Variants in MMP16 observed in about 807,000 individuals in gnomAD.
The protein encoded by MMP16 is matrix metalloproteinase-16.
Under a neutral mutation model 67.8 loss-of-function variants are expected in MMP16, and 12 were observed. That is an observed-to-expected ratio of 0.18 (90% CI 0.11 to 0.29). MMP16 has a LOEUF of 0.29. Among genes scored for constraint, MMP16 ranks in the 10% least tolerant of loss-of-function variants. MMP16 has a pLI of 1.00. For synonymous variants in MMP16, 249 were observed against 255.9 expected (o/e 0.97, Z 0.26); for missense variants, 475 against 765.7 (o/e 0.62, Z 4.48).
At chr8:88,148,466 G>C (rs1423266562) in intron 4 of MMP16, among the ~76,000 whole-genome samples, 1 of 152,118 alleles carries the variant, frequency 6.6e-6, no homozygotes, top group Non-Finnish European at 1.5e-5. Context: ...TCCTCTAGAG[G>C]ATACATATTT....
intron 1 of MMP16, among the ~76,000 whole-genome samples, chr8:88,287,293 C>T (rs1810847518): frequency 6.6e-6 from 1 of 152,178 alleles, no homozygotes; most frequent in Admixed American, 6.5e-5. Flanking sequence ...TCTCCCCATT[C>T]CTTCTGTATG....
chr8:88,187,227 G>T (rs1809089489), intron 2 of MMP16, among the ~76,000 whole-genome samples: 2 of 152,080 alleles, frequency 1.3e-5, no homozygotes, highest in African/African-American at 4.8e-5. Flanking sequence ...TTCTGAATAT[G>T]AGGTTTTGCA....
intron 1 of MMP16, among the ~76,000 whole-genome samples, chr8:88,224,555 A>G (rs537177740): frequency 6.6e-6 from 1 of 151,984 alleles, no homozygotes; most frequent in South Asian, 2.1e-4. Flanking sequence ...ACTAGTTACT[A>G]CATAATTTTA....
chr8:88,291,608 A>G (rs1013276851), intron 1 of MMP16, among the ~76,000 whole-genome samples: 1 of 152,210 alleles, frequency 6.6e-6, no homozygotes, highest in Non-Finnish European at 1.5e-5. Context: ...TTTTCAGTAG[A>G]GGCAAACTGA....
At chr8:88,055,274 C>T (rs1333892370) in intron 8 of MMP16, among the ~76,000 whole-genome samples, 2 of 152,120 alleles carry the variant, frequency 1.3e-5, no homozygotes, top group Non-Finnish European at 2.9e-5. Context: ...GTGACACAAT[C>T]TCAGCTCACT....
chr8:88,067,341 A>G (rs1808476307), intron 7 of MMP16, among the ~76,000 whole-genome samples: 2 of 152,106 alleles, frequency 1.3e-5, no homozygotes. Flanking sequence ...AAATTGTACT[A>G]CCTATGTCAT....
rs377712483 is a variant in MMP16, at chr8:88,307,089, C to CA, written c.132+19985dup. ...GCAACTTCAGCAAAGTCTCAGAATACAAAATCAATGTGCAAAAATTGCTAG... is the reference window on the plus strand; with the variant it reads ...GCAACTTCAGCAAAGTCTCAGAATACAAAAATCAATGTGCAAAAATTGCTAG... On this transcript the variant is annotated intron_variant, in intron 1 of 9. Transcript: ENST00000286614. Among the ~76,000 whole-genome samples the CA allele has an allele frequency of 1.2e-4, 18 of 152,278 alleles. 2 individuals carry two copies. Among genetic ancestry groups the CA allele is most frequent in the African/African-American group, 4.3e-4 (18 of 41,574 alleles).
chr8:88,177,665 TAAAAG>T (rs959560087), intron 3 of MMP16, among the ~76,000 whole-genome samples: 4 of 152,186 alleles, frequency 2.6e-5, no homozygotes, highest in African/African-American at 7.2e-5. Context: ...ACGCCAGTGT[TAAAAG>T]AAAACTATTT....
At chr8:88,110,597 G>A (rs931208633) in intron 6 of MMP16, among the ~76,000 whole-genome samples, 2 of 151,460 alleles carry the variant, frequency 1.3e-5, no homozygotes, top group Non-Finnish European at 3.0e-5. Flanking sequence ...AGTAATTTTC[G>A]ATTACACTGT....
Position 88,075,306 on chromosome 8 carries a change from C to T in MMP16, c.1084-563G>A, listed in dbSNP as rs370788351. On this transcript the variant is annotated intron_variant, in intron 6 of 9. Coordinates refer to ENST00000286614, the MANE Select transcript of MMP16 (RefSeq NM_005941.5). ...AATTATTTTGAAAAAAATAAATCAT[C>T]GCAGAGGATTCTAGTCTGGATTAAT... Among the ~76,000 whole-genome samples the T allele has an allele frequency of 1.8e-4, 27 of 152,184 alleles. No homozygotes were observed. The South Asian group carries it at 5.4e-3, about 30-fold the overall frequency.
Position 88,068,637 on chromosome 8 carries a change from T to A in MMP16, c.1222+5968A>T, listed in dbSNP as rs868225559. On this transcript the variant is annotated intron_variant, in intron 7 of 9. Coordinates refer to ENST00000286614, the MANE Select transcript of MMP16 (RefSeq NM_005941.5). ...CTTTGTCAAAAATTACTTGTCCATATATGTTTTGAGTCTTGATTATTATAG... is the reference window on the plus strand; with the variant it reads ...CTTTGTCAAAAATTACTTGTCCATAAATGTTTTGAGTCTTGATTATTATAG... 2.7e-4 allele frequency among the ~76,000 whole-genome samples: 41 copies of A among 152,258 alleles called. 1 individual carries two copies. In the Middle Eastern group the frequency reaches 0.014, roughly 51 times the overall value.
chr8:88,116,486 A>C, intron 6 of MMP16, 21 bp downstream of exon 6: 1 of 1,605,874 alleles, frequency 6.2e-7, no homozygotes. Context: ...TGTTAAAAAA[A>C]AAAAAATCAC....
chr8:88,160,674 C>T (rs1808604007), intron 4 of MMP16, among the ~76,000 whole-genome samples: 1 of 152,036 alleles, frequency 6.6e-6, no homozygotes, highest in South Asian at 2.1e-4. Flanking sequence ...AACACTTTTA[C>T]ACTGTTGGTG....
At chr8:88,219,253 G>C (rs1329678897) in intron 1 of MMP16, among the ~76,000 whole-genome samples, 1 of 151,822 alleles carries the variant, frequency 6.6e-6, no homozygotes, top group African/African-American at 2.4e-5. Context: ...CTGGAAGAAG[G>C]AGCATCGCAC....
chr8:88,058,656 C>A lies in MMP16; in HGVS notation c.1223-2378G>T, dbSNP rs2118232348. Among the ~76,000 whole-genome samples, 1 of 152,080 alleles carries A rather than the reference C, an allele frequency of 6.6e-6. No individual in the cohort carries two copies. Among genetic ancestry groups the A allele is most frequent in the East Asian group, 1.9e-4 (1 of 5,176 alleles). On this transcript the variant is annotated intron_variant, in intron 7 of 9. Coordinates refer to ENST00000286614, the MANE Select transcript of MMP16 (RefSeq NM_005941.5). The surrounding 1 kb of genome is among the most constrained non-coding windows in gnomAD (Gnocchi z 4.2). ...TGACATATAATTCAAAGGAGCCAGA[C>A]CACTGAAGATTGTTTGAGGTAAAAG... is the stretch of plus-strand genomic sequence containing the variant.
At chr8:88,173,186 G>A (rs1443798598) in intron 3 of MMP16, among the ~76,000 whole-genome samples, 1 of 151,996 alleles carries the variant, frequency 6.6e-6, no homozygotes, top group African/African-American at 2.4e-5. Context: ...CGAGTAGCTG[G>A]GACTACAGTT....
intron 1 of MMP16, among the ~76,000 whole-genome samples, chr8:88,244,091 G>C: frequency 6.6e-6 from 1 of 151,544 alleles, no homozygotes; most frequent in East Asian, 1.9e-4. Flanking sequence ...TTAAGCTGAC[G>C]TGTTTCCTTT....
intron 6 of MMP16, among the ~76,000 whole-genome samples, chr8:88,092,128 C>T (rs776082555): frequency 3.7e-4 from 56 of 151,964 alleles, no homozygotes; most frequent in Admixed American, 7.2e-4. Flanking sequence ...AACACTGTAA[C>T]TACTGATAAA....
chr8:88,114,086 A>G (rs1489010015), intron 6 of MMP16, among the ~76,000 whole-genome samples: 1 of 151,852 alleles, frequency 6.6e-6, no homozygotes, highest in African/African-American at 2.4e-5. Flanking sequence ...CATTTTTTAA[A>G]TTTGTAAAAC....
Sources: allele counts gnomAD v4.1 joint callset (sites outside exome capture counted in the v4.1 genomes callset), GRCh38; gene constraint gnomAD v4.1.1; non-coding constraint Gnocchi (gnomAD v3.1); transcripts MANE v1.5; gene names NCBI Gene and HGNC (gene_info 2026-07-23, HGNC 2026-07-21).